Variants in ANKRD28 observed in about 807,000 individuals in gnomAD.
ANKRD28 encodes ankyrin repeat domain 28.
Under a neutral mutation model 126.5 loss-of-function variants are expected in ANKRD28, and 44 were observed. The ratio of observed to expected loss-of-function variants is 0.35; its 90% CI spans 0.27 to 0.45. ANKRD28 has a LOEUF of 0.45. ANKRD28 is among the 20% of genes least tolerant of loss of function. The pLI is 1.00. For missense variants in ANKRD28, 1,110 were observed against 1,316.6 expected (o/e 0.84, Z 2.43); for synonymous variants, 442 against 468.5 (o/e 0.94, Z 0.73).
At chr3:15,710,999 TTCTC>T (rs144820494) in intron 12 of ANKRD28, among the ~76,000 whole-genome samples, 2 of 151,026 alleles carry the variant, frequency 1.3e-5, no homozygotes, top group Non-Finnish European at 1.5e-5. Flanking sequence ...TGTAGGTTTA[TTCTC>T]TCTCTCTCTC....
intron 1 of ANKRD28, among the ~76,000 whole-genome samples, chr3:15,849,440 T>G (rs532398817): frequency 6.6e-6 from 1 of 152,208 alleles, no homozygotes; most frequent in Non-Finnish European, 1.5e-5. Context: ...ATAAGTCAGA[T>G]TGGTATAGTG....
Position 15,843,975 on chromosome 3 carries a change from A to G in ANKRD28, c.27+15402T>C, listed in dbSNP as rs922411103. On this transcript the variant is annotated intron_variant, in intron 1 of 27. Transcript: ENST00000399451. This position sits in a 1 kb window ranked among gnomAD's most constrained non-coding sequence, Gnocchi z 5.2. ...TAAAGGAAGGGAGGTTAAGGTGGAAATGCAGGAACGAAAGCTGGGTAGGGT... is the reference window on the plus strand; with the variant it reads ...TAAAGGAAGGGAGGTTAAGGTGGAAGTGCAGGAACGAAAGCTGGGTAGGGT... Among the ~76,000 whole-genome samples the G allele has an allele frequency of 1.3e-5, 2 of 152,208 alleles. No individual in the cohort carries two copies. The highest frequency in any genetic ancestry group is 3.8e-4 in the East Asian group (2 of 5,202).
rs1163421626 is a variant in ANKRD28, at chr3:15,762,188, TAAAAAAAAAAAAA to T, written c.280+4033_280+4045del. On this transcript the variant is annotated intron_variant, in intron 3 of 27. Coordinates refer to ENST00000683139, the MANE Select transcript of ANKRD28 (RefSeq NM_001349278.2). Reference sequence around the variant, plus strand: ...GGGTAACAGAGCAAGACTATGTCTTTAAAAAAAAAAAAAAAAAAAAAAAAACAAAACAAAAAAA... The same window carrying T: ...GGGTAACAGAGCAAGACTATGTCTTTAAAAAAAAAAAACAAAACAAAAAAA... Among the ~76,000 whole-genome samples the T allele has an allele frequency of 1.7e-4, 11 of 64,976 alleles. 1 individual carries two copies. Among genetic ancestry groups the T allele is most frequent in the Admixed American group, 5.8e-4 (3 of 5,202 alleles). The allele number at this position is 64,976 out of a possible 152,430, so 42.6% of individuals were successfully genotyped here.
chr3:15,671,820 A>C (rs934119734), intron 27 of ANKRD28, among the ~76,000 whole-genome samples: 4 of 152,128 alleles, frequency 2.6e-5, no homozygotes, highest in African/African-American at 9.6e-5. Context: ...CCTGGCCTCA[A>C]GTGATCTGCC....
At chr3:15,763,669 G>A (rs773768105) in intron 3 of ANKRD28, among the ~76,000 whole-genome samples, 1 of 152,132 alleles carries the variant, frequency 6.6e-6, no homozygotes, top group Non-Finnish European at 1.5e-5. Context: ...GAAGGTTTAA[G>A]GCTAAGGAAA....
chr3:15,713,457 C>A, intron 10 of ANKRD28, 70 bp downstream of exon 10: 3 of 1,189,120 alleles, frequency 2.5e-6, no homozygotes, highest in Admixed American at 2.2e-5. Context: ...CGTGAAATGT[C>A]TAGAAAACTG....
chr3:15,699,116 A>G (rs1329154328), intron 14 of ANKRD28, among the ~76,000 whole-genome samples: 1 of 152,162 alleles, frequency 6.6e-6, no homozygotes, highest in Non-Finnish European at 1.5e-5. Flanking sequence ...TTTTTGACAA[A>G]CCTGACAAAA....
At chr3:15,685,472 C>A (rs760164897) in intron 20 of ANKRD28, 27 bp from the exon 21 acceptor site, 2 of 1,604,496 alleles carry the variant, frequency 1.2e-6, no homozygotes, top group Non-Finnish European at 1.7e-6. Flanking sequence ...TAAAGGTAGT[C>A]AAACATATTA....
intron 1 of ANKRD28, among the ~76,000 whole-genome samples, chr3:15,832,693 G>A (rs538656882): frequency 2.0e-5 from 3 of 152,286 alleles, no homozygotes; most frequent in South Asian, 2.1e-4. Context: ...ATTTAGAAGT[G>A]AGAACATGCA....
chr3:15,803,621 A>G (rs934320189), intron 1 of ANKRD28, among the ~76,000 whole-genome samples: 60 of 151,876 alleles, frequency 4.0e-4, no homozygotes, highest in African/African-American at 1.4e-3. Context: ...ATTTAAAAAA[A>G]AAAAAAAAAA....
chr3:15,802,273 C>A (rs976519716), upstream of ANKRD28, among the ~76,000 whole-genome samples: 1 of 152,120 alleles, frequency 6.6e-6, no homozygotes, highest in Admixed American at 6.6e-5. Context: ...AAACAAGGAC[C>A]ATAGTCTAGG....
In ANKRD28 at chr3:15,797,106, A is replaced by G; in HGVS notation, c.-585T>C. 1 of 985,022 alleles carries G rather than the reference A, an allele frequency of 1.0e-6. No individual in the cohort carries two copies. Among genetic ancestry groups the G allele is most frequent in the Non-Finnish European group, 1.2e-6 (1 of 829,810 alleles). The allele number at this position is 985,022 out of a possible 1,614,324, so 61.0% of individuals were successfully genotyped here. A position where few individuals can be genotyped will look rare whatever the true frequency, so the allele number is the denominator to read the frequency against. On this transcript the variant is annotated 5_prime_UTR_variant, in exon 1 of 28. Coordinates refer to ENST00000683139, the MANE Select transcript of ANKRD28 (RefSeq NM_001349278.2). ...TCTTCATCACTGGTTTAATGCAGAT[A>G]CTATTCACAGAAAAAAGATCTAGAG... is the stretch of plus-strand genomic sequence containing the variant.
intron 2 of ANKRD28, among the ~76,000 whole-genome samples, chr3:15,780,622 C>T (rs1037485699): frequency 1.3e-5 from 2 of 151,888 alleles, no homozygotes; most frequent in Non-Finnish European, 2.9e-5. Flanking sequence ...AAAACAATAA[C>T]CAGCGAAAAA....
At chr3:15,825,598 C>CA (rs1411681752) in intron 1 of ANKRD28, among the ~76,000 whole-genome samples, 1 of 151,552 alleles carries the variant, frequency 6.6e-6, no homozygotes, top group African/African-American at 2.4e-5. Flanking sequence ...TTACACAACA[C>CA]AAAAAAGGGG....
chr3:15,767,510 G>A (rs748975680), intron 2 of ANKRD28, among the ~76,000 whole-genome samples: 3 of 151,808 alleles, frequency 2.0e-5, no homozygotes, highest in South Asian at 2.1e-4. Context: ...GTGGACCAAT[G>A]GTATGTGAGT....
chr3:15,827,846 A>C (rs1054114482), intron 1 of ANKRD28, among the ~76,000 whole-genome samples: 1 of 152,332 alleles, frequency 6.6e-6, no homozygotes, highest in African/African-American at 2.4e-5. Context: ...AAATCTGACA[A>C]GGGATTAATA....
intron 2 of ANKRD28, among the ~76,000 whole-genome samples, chr3:15,778,230 G>C (rs1223170685): frequency 6.6e-6 from 1 of 152,094 alleles, no homozygotes; most frequent in Non-Finnish European, 1.5e-5. Context: ...TTTATTCCCT[G>C]TTTTTATACC....
In ANKRD28 at chr3:15,845,258, A is replaced by C. The variant is rs1189986589; in HGVS notation, c.27+14119T>G. On this transcript the variant is annotated intron_variant, in intron 1 of 27. Transcript: ENST00000399451. This position sits in a 1 kb window ranked among gnomAD's most constrained non-coding sequence, Gnocchi z 4.9. The stretch of plus-strand genomic sequence containing the variant: ...ATAGCAAGTCACCTATTATTAAATG[A>C]GTGGATTAACTGTTACATAACATAT... Among the ~76,000 whole-genome samples, 2 of 152,224 alleles carry C rather than the reference A, an allele frequency of 1.3e-5. No individual in the cohort carries two copies. Among genetic ancestry groups the C allele is most frequent in the Non-Finnish European group, 2.9e-5 (2 of 68,040 alleles).
In ANKRD28 at chr3:15,669,694, A is replaced by C. The variant is rs1316357846; in HGVS notation, c.*576T>G. ...TTTTCTTAAAAAAAAAACAAAACCC[A>C]AAAAAACTCAACATTTAAAACCAAA... On this transcript the variant is annotated 3_prime_UTR_variant, in exon 28 of 28. Transcript: ENST00000683139. The C allele has an allele frequency of 6.6e-6, 1 of 152,566 alleles. No homozygotes were observed. The highest frequency in any genetic ancestry group is 2.4e-5 in the African/African-American group (1 of 41,426). The allele number at this position is 152,566 out of a possible 1,614,324, so 9.5% of individuals were successfully genotyped here.
Sources: gnomAD v4.1 joint callset for allele counts (sites outside exome capture counted in the v4.1 genomes callset) on GRCh38, gnomAD v4.1.1 for gene constraint, Gnocchi (gnomAD v3.1) non-coding constraint, MANE v1.5 for transcripts, NCBI Gene and HGNC (gene_info 2026-07-23, HGNC 2026-07-21) for gene names.